The following AIG1 variants were observed in gnomAD, a reference collection of about 807,000 sequenced individuals.
The protein encoded by AIG1 is androgen induced 1.
AIG1 carries 23 observed loss-of-function variants against 31.4 expected under a neutral mutation model. The observed-to-expected ratio is 0.73, with a 90% CI of 0.53 to 1.04. The LOEUF (loss-of-function observed/expected upper bound fraction) is 1.04. Ranked by LOEUF, AIG1 falls within the 50% of genes least tolerant of loss-of-function variation. The pLI is 0.00. For synonymous variants in AIG1, 100 were observed against 110.5 expected (o/e 0.90, Z 0.60); for missense variants, 274 against 295.0 (o/e 0.93, Z 0.52).
At chr6:143,215,463 CAGAT>C (rs1283258827) in intron 3 of AIG1, among the ~76,000 whole-genome samples, 1 of 152,158 alleles carries the variant, frequency 6.6e-6, no homozygotes, top group Non-Finnish European at 1.5e-5. Context: ...GTGCACCTTG[CAGAT>C]AGATATTGCA....
At chr6:143,071,367 G>A (rs1257625746) in intron 1 of AIG1, among the ~76,000 whole-genome samples, 2 of 152,178 alleles carry the variant, frequency 1.3e-5, no homozygotes, top group East Asian at 3.8e-4. Context: ...TCCAGTTTTG[G>A]CTATTATAAA....
chr6:143,162,314 T>G (rs1390690816), intron 2 of AIG1, among the ~76,000 whole-genome samples: 1 of 152,146 alleles, frequency 6.6e-6, no homozygotes, highest in East Asian at 1.9e-4. Flanking sequence ...GATTGGAAAA[T>G]TCAATATTGT....
chr6:143,233,168 G>A (rs543322874), intron 3 of AIG1, among the ~76,000 whole-genome samples: 1 of 152,312 alleles, frequency 6.6e-6, no homozygotes, highest in East Asian at 1.9e-4. Context: ...TGTCCAGAAA[G>A]GGGTTGAAGC....
At chr6:143,249,648 C>A (rs957729358) in intron 3 of AIG1, among the ~76,000 whole-genome samples, 18 of 152,336 alleles carry the variant, frequency 1.2e-4, no homozygotes, top group African/African-American at 4.3e-4. Context: ...TACATGGTTT[C>A]TCCACTGTTA....
intron 2 of AIG1, among the ~76,000 whole-genome samples, chr6:143,142,415 A>G (rs1430824121): frequency 1.3e-5 from 2 of 152,134 alleles, no homozygotes; most frequent in Non-Finnish European, 2.9e-5. Context: ...CATCCTATTC[A>G]TTTGTAGCTG....
chr6:143,148,337 CA>C (rs527337431), intron 2 of AIG1, among the ~76,000 whole-genome samples: 2,970 of 46,412 alleles, frequency 0.064, 45 homozygotes, highest in Middle Eastern at 0.15. Context: ...CCCATCTCTA[CA>C]AAAAAAAAAA....
chr6:143,261,850 G>A (rs769063665), intron 3 of AIG1, among the ~76,000 whole-genome samples: 3 of 152,218 alleles, frequency 2.0e-5, no homozygotes, highest in Non-Finnish European at 2.9e-5. Context: ...TTTAGGGAAC[G>A]TCTTGATGTC....
rs1798221309 is a variant in AIG1, at chr6:143,293,760, G to C, written c.515+9535G>C. ...CCCACCCTGAAGTCATGTTTTATGT[G>C]GTTATGATCCTTCCCCCACTCCCCA... On this transcript the variant is annotated intron_variant, in intron 4 of 5. Transcript: ENST00000357847. This position sits in a 1 kb window ranked among gnomAD's most constrained non-coding sequence, Gnocchi z 4.8. 6.6e-6 allele frequency among the ~76,000 whole-genome samples: 1 copy of C among 152,100 alleles called. No individual in the cohort carries two copies. Among genetic ancestry groups the C allele is most frequent in the Non-Finnish European group, 1.5e-5 (1 of 68,002 alleles).
At chr6:143,311,054 C>G (rs1021813854) in intron 4 of AIG1, among the ~76,000 whole-genome samples, 7 of 151,888 alleles carry the variant, frequency 4.6e-5, no homozygotes, top group Non-Finnish European at 1.0e-4. Context: ...CAATTTCTTT[C>G]AGAAAATAGA....
intron 3 of AIG1, among the ~76,000 whole-genome samples, chr6:143,251,091 C>T (rs1242341301): frequency 1.3e-5 from 2 of 152,198 alleles, no homozygotes; most frequent in African/African-American, 4.8e-5. Context: ...CTTGCTCTGT[C>T]ACCCAGGCTG....
At chr6:143,267,984 T>A (rs1796266661) in intron 3 of AIG1, among the ~76,000 whole-genome samples, 1 of 152,214 alleles carries the variant, frequency 6.6e-6, no homozygotes, top group Non-Finnish European at 1.5e-5. Context: ...CAGAGGCTGA[T>A]GAAAATGTCA....
chr6:143,214,261 G>A (rs994679913), intron 3 of AIG1, among the ~76,000 whole-genome samples: 2 of 152,150 alleles, frequency 1.3e-5, no homozygotes, highest in African/African-American at 2.4e-5. Context: ...TGCTCTCAAC[G>A]TGCAGCAGAA....
In AIG1 at chr6:143,247,281, G is replaced by A. The variant is rs191249153; in HGVS notation, c.400-36829G>A. 1.5e-3 allele frequency among the ~76,000 whole-genome samples: 223 copies of A among 152,274 alleles called. 7 individuals carry two copies. Among genetic ancestry groups the A allele is most frequent in the Admixed American group, 0.014 (209 of 15,298 alleles). ...CAAGTAACTGGGACTACAAGTGCAC[G>A]CCACCATGCCCAGCTAATTTTTTGT... On this transcript the variant is annotated intron_variant, in intron 3 of 5. Coordinates refer to ENST00000357847, the MANE Select transcript of AIG1 (RefSeq NM_016108.4).
rs1401888351 is a variant in AIG1, at chr6:143,258,208, G to A, written c.400-25902G>A. Among the ~76,000 whole-genome samples, 1 of 152,190 alleles carries A rather than the reference G, an allele frequency of 6.6e-6. No individual in the cohort carries two copies. Among genetic ancestry groups the A allele is most frequent in the Non-Finnish European group, 1.5e-5 (1 of 68,030 alleles). On this transcript the variant is annotated intron_variant, in intron 3 of 5. Coordinates refer to ENST00000357847, the MANE Select transcript of AIG1 (RefSeq NM_016108.4). This position sits in a 1 kb window ranked among gnomAD's most constrained non-coding sequence, Gnocchi z 4.7. ...AGGGCAGTCCCCAGTTTCCTCACCT[G>A]TAAAATGAAGACAAAAGCCTTCCAC...
chr6:143,255,703 G>A (rs747321303), intron 3 of AIG1, among the ~76,000 whole-genome samples: 2 of 152,152 alleles, frequency 1.3e-5, no homozygotes, highest in African/African-American at 2.4e-5. Context: ...GTATATGAGA[G>A]TATATGCCTA....
At chr6:143,120,692 A>G (rs1377038629) in intron 1 of AIG1, among the ~76,000 whole-genome samples, 5 of 152,208 alleles carry the variant, frequency 3.3e-5, no homozygotes, top group African/African-American at 1.2e-4. Context: ...GTGGGGACAC[A>G]CAGCCAAACC....
intron 3 of AIG1, among the ~76,000 whole-genome samples, chr6:143,177,271 G>A (rs148682461): frequency 2.8e-4 from 42 of 152,060 alleles, no homozygotes; most frequent in Admixed American, 7.9e-4. Flanking sequence ...TTGTTATTTT[G>A]CATTTTTTCA....
intron 1 of AIG1, among the ~76,000 whole-genome samples, chr6:143,108,485 T>C (rs952971901): frequency 2.6e-5 from 4 of 152,152 alleles, no homozygotes; most frequent in African/African-American, 9.7e-5. Flanking sequence ...AACCTCTGTT[T>C]CTAGGAATAA....
At chr6:143,087,571 C>A (rs1179477906) in intron 1 of AIG1, among the ~76,000 whole-genome samples, 1 of 152,182 alleles carries the variant, frequency 6.6e-6, no homozygotes, top group Non-Finnish European at 1.5e-5. Context: ...GCGACGGCGG[C>A]AAACAACAGT....
Sources: gnomAD v4.1 joint callset for allele counts (sites outside exome capture counted in the v4.1 genomes callset) on GRCh38, gnomAD v4.1.1 for gene constraint, Gnocchi (gnomAD v3.1) non-coding constraint, MANE v1.5 for transcripts, NCBI Gene and HGNC (gene_info 2026-07-23, HGNC 2026-07-21) for gene names.